The following STX8 variants were observed in gnomAD, a reference collection of about 807,000 sequenced individuals.
STX8 encodes syntaxin-8.
In STX8, 23 loss-of-function variants were observed where a neutral mutation model predicts 37.5. That is an observed-to-expected ratio of 0.61 (90% confidence interval 0.44 to 0.87). The LOEUF (loss-of-function observed/expected upper bound fraction) is 0.87, where lower values mean the gene tolerates loss of function less well. Among genes scored for constraint, STX8 ranks in the 40% least tolerant of loss-of-function variants. The pLI is 0.00. For missense variants in STX8, 313 were observed against 284.7 expected, an observed-to-expected ratio of 1.10 and a Z score of -0.71; for synonymous variants, 115 against 99.1, an observed-to-expected ratio of 1.16 and a Z score of -0.95.
At chr17:9,315,743 G>T (rs1011816363) in intron 7 of STX8, among the ~76,000 whole-genome samples, 1 of 152,168 alleles carries the variant, frequency 6.6e-6, no homozygotes, top group African/African-American at 2.4e-5. Context: ...TGGGCATGGT[G>T]GCTCACGCCT....
chr17:9,361,454 T>C (rs1911060826), intron 7 of STX8, among the ~76,000 whole-genome samples: 1 of 152,224 alleles, frequency 6.6e-6, no homozygotes, highest in Admixed American at 6.5e-5. Context: ...GGCGTTGCTT[T>C]GCAGTTGAGC....
intron 7 of STX8, among the ~76,000 whole-genome samples, chr17:9,372,909 G>C (rs1911458902): frequency 6.6e-6 from 1 of 150,576 alleles, no homozygotes; most frequent in South Asian, 2.1e-4. Context: ...ATCGAGACCA[G>C]CCTGACCAAC....
chr17:9,254,891 T>C (rs897935757), intron 7 of STX8, among the ~76,000 whole-genome samples: 4 of 152,078 alleles, frequency 2.6e-5, no homozygotes, highest in Non-Finnish European at 4.4e-5. Flanking sequence ...AGTAAATGTA[T>C]TGAATTTTTG....
intron 6 of STX8, among the ~76,000 whole-genome samples, chr17:9,379,973 A>C (rs1241529173): frequency 6.6e-6 from 1 of 152,146 alleles, no homozygotes; most frequent in Non-Finnish European, 1.5e-5. Context: ...GTCTCAAAAA[A>C]AAAAAGAAAA....
intron 6 of STX8, among the ~76,000 whole-genome samples, chr17:9,458,355 C>T (rs185783784): frequency 0.013 from 2,004 of 152,176 alleles, 18 homozygotes; most frequent in Non-Finnish European, 0.02. Flanking sequence ...TTCACCGTGT[C>T]AGCCAGGATG....
chr17:9,373,676 A>C (rs1404346636), intron 7 of STX8, among the ~76,000 whole-genome samples: 2 of 152,198 alleles, frequency 1.3e-5, no homozygotes, highest in African/African-American at 4.8e-5. Flanking sequence ...GCAGTGGCTC[A>C]CACCTGTAAT....
intron 7 of STX8, among the ~76,000 whole-genome samples, chr17:9,374,086 A>AT (rs571434433): frequency 0.081 from 11,735 of 144,240 alleles, 1,298 homozygotes; most frequent in African/African-American, 0.25. Flanking sequence ...ACCACAATTA[A>AT]TTTTTTTTTT....
chr17:9,522,760 C>T (rs182757743), intron 4 of STX8, among the ~76,000 whole-genome samples: 97 of 151,380 alleles, frequency 6.4e-4, no homozygotes, highest in African/African-American at 2.2e-3. Context: ...ATAGTGGTTA[C>T]CAGAGGCTGG....
At chr17:9,251,436 G>A (rs1038406915) in intron 7 of STX8, among the ~76,000 whole-genome samples, 1 of 152,172 alleles carries the variant, frequency 6.6e-6, no homozygotes, top group African/African-American at 2.4e-5. Flanking sequence ...TACCAGCGGC[G>A]ACAAGGTATA....
chr17:9,556,695 G>A (rs980660133), intron 3 of STX8, among the ~76,000 whole-genome samples: 1 of 148,648 alleles, frequency 6.7e-6, no homozygotes, highest in Non-Finnish European at 1.5e-5. Flanking sequence ...GCCTCCCAAA[G>A]TGCTGGGATT....
intron 7 of STX8, among the ~76,000 whole-genome samples, chr17:9,352,660 C>T (rs1567794729): frequency 1.3e-5 from 2 of 150,538 alleles, no homozygotes; most frequent in Non-Finnish European, 3.0e-5. Flanking sequence ...CCATCACGCC[C>T]GGCTAATTTT....
At chr17:9,391,158 CA>C (rs1912206074) in intron 6 of STX8, among the ~76,000 whole-genome samples, 1 of 152,034 alleles carries the variant, frequency 6.6e-6, no homozygotes, top group African/African-American at 2.4e-5. Context: ...CACCTTACTT[CA>C]AACCATTCAC....
chr17:9,460,945 A>G (rs1905355871), intron 6 of STX8, among the ~76,000 whole-genome samples: 1 of 146,416 alleles, frequency 6.8e-6, no homozygotes, highest in South Asian at 2.2e-4. Context: ...ATTAATTACC[A>G]CTATAAAACT....
chr17:9,520,885 G>GA (rs1364742363), intron 4 of STX8, among the ~76,000 whole-genome samples: 2 of 152,106 alleles, frequency 1.3e-5, no homozygotes, highest in East Asian at 3.8e-4. Context: ...GTTTTGTCTG[G>GA]AAAAAATATC....
intron 7 of STX8, among the ~76,000 whole-genome samples, chr17:9,275,513 C>G (rs1476540666): frequency 6.6e-6 from 1 of 152,208 alleles, no homozygotes; most frequent in East Asian, 1.9e-4. Flanking sequence ...TGTCTAGCTA[C>G]TGAACTTCCC....
intron 7 of STX8, among the ~76,000 whole-genome samples, chr17:9,366,389 G>A (rs2142266398): frequency 6.6e-6 from 1 of 152,266 alleles, no homozygotes; most frequent in African/African-American, 2.4e-5. Context: ...GTACCGCCAT[G>A]CCTGGCTAAT....
At chr17:9,513,936 TG>T (rs1905095924) in intron 4 of STX8, among the ~76,000 whole-genome samples, 1 of 152,222 alleles carries the variant, frequency 6.6e-6, no homozygotes, top group African/African-American at 2.4e-5. Flanking sequence ...AGCTAAACAC[TG>T]CATGTTCTTA....
chr17:9,401,322 T>G (rs1912611796), intron 6 of STX8, among the ~76,000 whole-genome samples: 1 of 152,232 alleles, frequency 6.6e-6, no homozygotes, highest in African/African-American at 2.4e-5. Context: ...TCTTATACTC[T>G]GTTTTCAGTC....
chr17:9,509,374 T>C (rs562357373), intron 4 of STX8, among the ~76,000 whole-genome samples: 11 of 151,184 alleles, frequency 7.3e-5, no homozygotes, highest in African/African-American at 2.2e-4. Flanking sequence ...CAAGAGAGAA[T>C]AGGATTTTAT....
Sources: allele counts gnomAD v4.1 joint callset (sites outside exome capture counted in the v4.1 genomes callset), GRCh38; gene constraint gnomAD v4.1.1; transcripts MANE v1.5; gene names NCBI Gene and HGNC (gene_info 2026-07-23, HGNC 2026-07-21).